GPR39: variants seen among roughly 807,000 people sequenced by gnomAD.
GPR39 encodes G protein-coupled receptor 39.
A neutral mutation model predicts 18.4 loss-of-function variants in GPR39; 23 were observed. The ratio of observed to expected loss-of-function variants is 1.25; its 90% CI spans 0.90 to 1.77. The LOEUF is 1.77. Ranked by LOEUF, GPR39 falls within the 40% of genes most tolerant of loss-of-function variation. The probability of loss-of-function intolerance (pLI) is 0.00; values close to 1 mark genes in which losing one functional copy is unlikely to be tolerated. For synonymous variants in GPR39, 280 were observed against 257.9 expected (o/e 1.09, Z -0.82); for missense variants, 647 against 602.4 (o/e 1.07, Z -0.78).
At chr2:132,491,740 G>A (rs992877570) in intron 1 of GPR39, among the ~76,000 whole-genome samples, 4 of 151,894 alleles carry the variant, frequency 2.6e-5, no homozygotes, top group Non-Finnish European at 5.9e-5. Flanking sequence ...CAGTGGTATT[G>A]TGTGAGCCCC....
intron 1 of GPR39, among the ~76,000 whole-genome samples, chr2:132,556,833 C>A (rs144318670): frequency 6.6e-6 from 1 of 152,286 alleles, no homozygotes; most frequent in East Asian, 1.9e-4. Context: ...GGCTTTCCTT[C>A]CCTTTGAAGA....
At chr2:132,591,538 A>G (rs1054711164) in intron 1 of GPR39, among the ~76,000 whole-genome samples, 1 of 152,096 alleles carries the variant, frequency 6.6e-6, no homozygotes, top group Non-Finnish European at 1.5e-5. Context: ...CTATTGTGGG[A>G]CTTCACCTTG....
Position 132,549,184 on chromosome 2 carries a change from T to C in GPR39, c.857-95917T>C, listed in dbSNP as rs145601797. Among the ~76,000 whole-genome samples the C allele has an allele frequency of 4.7e-3, 710 of 152,188 alleles. 7 individuals are homozygous for C. Among genetic ancestry groups the C allele is most frequent in the African/African-American group, 0.016 (670 of 41,520 alleles). On this transcript the variant is annotated intron_variant, in intron 1 of 1. Coordinates refer to ENST00000329321, the MANE Select transcript of GPR39 (RefSeq NM_001508.3). ...TGGAGCCTGGATTGTCACATAGAAA[T>C]GAGCACATAGAGGTCTGTGGTGTGT... is the stretch of plus-strand genomic sequence containing the variant.
chr2:132,616,211 G>T (rs936499596), intron 1 of GPR39, among the ~76,000 whole-genome samples: 2 of 152,146 alleles, frequency 1.3e-5, no homozygotes, highest in Non-Finnish European at 2.9e-5. Context: ...AAACCTGTGA[G>T]GTTGGTTGGT....
rs550977839 is a variant in GPR39, at chr2:132,634,332, A to T, written c.857-10769A>T. Among the ~76,000 whole-genome samples the T allele has an allele frequency of 2.0e-4, 30 of 152,268 alleles. 1 individual carries two copies. In the South Asian group the frequency reaches 2.9e-3, roughly 15 times the overall value. On this transcript the variant is annotated intron_variant, in intron 1 of 1. Transcript: ENST00000329321. ...AGTGTTATCTCCATTTGCAGATCAG[A>T]AGCCCGAGGAGCCTGAACTTTAGAG...
intron 1 of GPR39, among the ~76,000 whole-genome samples, chr2:132,421,684 C>G (rs1680011836): frequency 6.6e-6 from 1 of 152,142 alleles, no homozygotes; most frequent in Non-Finnish European, 1.5e-5. Context: ...CTGAAATGAA[C>G]TACTCTAAAA....
intron 1 of GPR39, among the ~76,000 whole-genome samples, chr2:132,556,040 G>T (rs1039194560): frequency 6.6e-6 from 1 of 152,016 alleles, no homozygotes; most frequent in African/African-American, 2.4e-5. Context: ...GTTCTCACAG[G>T]ATAATGATGC....
chr2:132,646,512 G>A lies in GPR39; in HGVS notation c.*906G>A, dbSNP rs563774324. 6 of 391,546 alleles carry A rather than the reference G, an allele frequency of 1.5e-5. No homozygotes were observed. The South Asian group carries it at 6.7e-4, about 43-fold the overall frequency. 24.3% of individuals were successfully genotyped at this position (391,546 alleles called of 1,614,324 possible). A position where few individuals can be genotyped will look rare whatever the true frequency, so the allele number is the denominator to read the frequency against. ...AACTGTTCCAAAAGCGATTTGAGAT[G>A]CCAATACCTGTGAATACCTGTTAAT... On this transcript the variant is annotated 3_prime_UTR_variant, in exon 2 of 2. Transcript: ENST00000329321.
intron 1 of GPR39, among the ~76,000 whole-genome samples, chr2:132,452,610 A>C (rs1021828352): frequency 2.0e-5 from 3 of 152,000 alleles, no homozygotes; most frequent in African/African-American, 7.2e-5. Flanking sequence ...TGTTTCTCCT[A>C]ATGCTATCCC....
At chr2:132,517,772 G>T (rs1679358967) in intron 1 of GPR39, among the ~76,000 whole-genome samples, 1 of 152,148 alleles carries the variant, frequency 6.6e-6, no homozygotes. Flanking sequence ...GTTACCTCTT[G>T]CCAGGATTCT....
At chr2:132,606,151 T>C (rs1010907557) in intron 1 of GPR39, 1 of 152,200 alleles carries the variant, frequency 6.6e-6, no homozygotes, top group Non-Finnish European at 1.5e-5. Context: ...GATTCTAATA[T>C]GATGCAGAAT....
chr2:132,427,142 ATATAT>A (rs1450276067), intron 1 of GPR39, among the ~76,000 whole-genome samples: 1 of 92,690 alleles, frequency 1.1e-5, no homozygotes, highest in Admixed American at 1.1e-4. Context: ...ATATATATAT[ATATAT>A]ATATATATAT....
rs1679137596 is a variant in GPR39, at chr2:132,506,487, T to C, written c.856+88589T>C. ...TTGTATTAGTCCATTCTCATGCTGC[T>C]ATGAAGAAATACCCAAGACTGGGTA... On this transcript the variant is annotated intron_variant, in intron 1 of 1. Coordinates refer to ENST00000329321, the MANE Select transcript of GPR39 (RefSeq NM_001508.3). 2.6e-5 allele frequency among the ~76,000 whole-genome samples: 4 copies of C among 152,254 alleles called. No homozygotes were observed. The South Asian group carries it at 8.3e-4, about 32-fold the overall frequency.
At chr2:132,528,605 T>G (rs1054111315) in intron 1 of GPR39, among the ~76,000 whole-genome samples, 13 of 152,176 alleles carry the variant, frequency 8.5e-5, no homozygotes, top group African/African-American at 2.9e-4. Flanking sequence ...ATGCACTGAT[T>G]TTCTTGAACA....
At chr2:132,580,285 A>C (rs1680600038) in intron 1 of GPR39, among the ~76,000 whole-genome samples, 1 of 152,224 alleles carries the variant, frequency 6.6e-6, no homozygotes, top group Non-Finnish European at 1.5e-5. Context: ...GATGGAGCCA[A>C]TGAGTTTGGG....
intron 1 of GPR39, among the ~76,000 whole-genome samples, chr2:132,555,166 G>A (rs1287566632): frequency 6.6e-6 from 1 of 152,038 alleles, no homozygotes; most frequent in East Asian, 1.9e-4. Flanking sequence ...TAGCCAGGAT[G>A]GTCTTGATCT....
intron 1 of GPR39, among the ~76,000 whole-genome samples, chr2:132,587,727 G>C (rs1338541083): frequency 6.6e-6 from 1 of 151,958 alleles, no homozygotes; most frequent in Admixed American, 6.6e-5. Context: ...TAGAGATGGG[G>C]TTTCGCCATG....
intron 1 of GPR39, among the ~76,000 whole-genome samples, chr2:132,628,321 G>A (rs1385498384): frequency 6.6e-6 from 1 of 152,122 alleles, no homozygotes; most frequent in East Asian, 1.9e-4. Context: ...GGTTTCCTAT[G>A]TCTTTCTCCA....
chr2:132,438,824 C>T (rs1680381228), intron 1 of GPR39, among the ~76,000 whole-genome samples: 1 of 152,116 alleles, frequency 6.6e-6, no homozygotes, highest in South Asian at 2.1e-4. Flanking sequence ...GTACACAGGG[C>T]CCAAGCCCTG....
Sources: allele counts gnomAD v4.1 joint callset (sites outside exome capture counted in the v4.1 genomes callset), GRCh38; gene constraint gnomAD v4.1.1; transcripts MANE v1.5; gene names NCBI Gene and HGNC (gene_info 2026-07-23, HGNC 2026-07-21).